The following MBNL1 variants were observed in gnomAD, a reference collection of about 807,000 sequenced individuals.
MBNL1 encodes the protein muscleblind like splicing regulator 1.
MBNL1 carries 8 observed loss-of-function variants against 42.2 expected under a neutral mutation model. That is an observed-to-expected ratio of 0.19 (90% CI 0.11 to 0.34). The LOEUF (loss-of-function observed/expected upper bound fraction) is 0.34. MBNL1 is among the 10% of genes least tolerant of loss of function. MBNL1 has a pLI of 1.00. For synonymous variants in MBNL1, 169 were observed against 173.9 expected (o/e 0.97, Z 0.22); for missense variants, 309 against 495.3 (o/e 0.62, Z 3.57).
intron 4 of MBNL1, among the ~76,000 whole-genome samples, chr3:152,439,179 T>G (rs544682963): frequency 8.5e-5 from 13 of 152,170 alleles, no homozygotes; most frequent in Non-Finnish European, 1.6e-4. Flanking sequence ...CCACTAATTG[T>G]TGTATGTTTC....
At chr3:152,333,322 C>G (rs2086675526) in intron 2 of MBNL1, among the ~76,000 whole-genome samples, 1 of 152,154 alleles carries the variant, frequency 6.6e-6, no homozygotes, top group Admixed American at 6.5e-5. Context: ...ATTTCTTAAG[C>G]TGGTAAATAT....
rs917806604 is a variant in MBNL1 at position 152,320,929 on chromosome 3, T to A, written c.174+20562T>A. Reference sequence around the variant, plus strand: ...TAGAAAAAAAGTTTTGTCTTCCAACTGTGAATACTTTATAGTGTTGCAACT... The same window carrying A: ...TAGAAAAAAAGTTTTGTCTTCCAACAGTGAATACTTTATAGTGTTGCAACT... On this transcript the variant is annotated intron_variant, in intron 2 of 9. Coordinates refer to ENST00000324210, the MANE Select transcript of MBNL1 (RefSeq NM_021038.5). 9.9e-5 allele frequency among the ~76,000 whole-genome samples: 15 copies of A among 152,242 alleles called. No homozygotes were observed. The East Asian group carries it at 2.9e-3, about 29-fold the overall frequency.
At chr3:152,269,635 G>C (rs1413832940) in intron 1 of MBNL1, 1 of 388,256 alleles carries the variant, frequency 2.6e-6, no homozygotes. Flanking sequence ...CTTATATGGA[G>C]AGTGCTGTAT....
intron 2 of MBNL1, among the ~76,000 whole-genome samples, chr3:152,376,035 C>T (rs1283901858): frequency 1.3e-5 from 2 of 152,036 alleles, no homozygotes; most frequent in Non-Finnish European, 2.9e-5. Context: ...TCTTTGTTTC[C>T]TGGATAAATT....
intron 2 of MBNL1, among the ~76,000 whole-genome samples, chr3:152,407,575 A>G (rs1204331103): frequency 6.6e-6 from 1 of 152,194 alleles, no homozygotes; most frequent in East Asian, 1.9e-4. Flanking sequence ...AAACTATGAA[A>G]TAAGTACAAG....
At chr3:152,361,054 A>G (rs540338035) in intron 2 of MBNL1, among the ~76,000 whole-genome samples, 1 of 152,282 alleles carries the variant, frequency 6.6e-6, no homozygotes, top group South Asian at 2.1e-4. Flanking sequence ...TATAATTATG[A>G]CCAGATCAGA....
intron 3 of MBNL1, among the ~76,000 whole-genome samples, chr3:152,419,164 C>A (rs935430715): frequency 1.3e-5 from 2 of 151,700 alleles, no homozygotes; most frequent in Admixed American, 6.6e-5. Flanking sequence ...ATTCCTATAT[C>A]ACTAATAAAA....
chr3:152,272,222 A>G (rs1024522976), intron 1 of MBNL1, among the ~76,000 whole-genome samples: 1 of 152,190 alleles, frequency 6.6e-6, no homozygotes, highest in African/African-American at 2.4e-5. Context: ...TTTATTATAC[A>G]TAGAAATACC....
intron 1 of MBNL1, among the ~76,000 whole-genome samples, chr3:152,280,348 A>G (rs2047701033): frequency 6.6e-6 from 1 of 152,172 alleles, no homozygotes; most frequent in African/African-American, 2.4e-5. Flanking sequence ...TATATTGGAG[A>G]AGAGACAAAA....
chr3:152,434,515 C>T (rs983498804), intron 4 of MBNL1, among the ~76,000 whole-genome samples: 18 of 151,960 alleles, frequency 1.2e-4, no homozygotes, highest in African/African-American at 3.6e-4. Context: ...AGTGAATACA[C>T]GTGTGTGTCT....
At chr3:152,385,646 A>G (rs866212853) in intron 2 of MBNL1, among the ~76,000 whole-genome samples, 9 of 152,214 alleles carry the variant, frequency 5.9e-5, no homozygotes, top group African/African-American at 2.2e-4. Flanking sequence ...TTTATGCATA[A>G]TAAATCAAGA....
chr3:152,376,782 A>G (rs1027983646), intron 2 of MBNL1, among the ~76,000 whole-genome samples: 2 of 131,434 alleles, frequency 1.5e-5, no homozygotes, highest in African/African-American at 5.0e-5. Context: ...CTATATATAT[A>G]CGCACACACA....
chr3:152,366,835 A>G (rs1040416385), intron 2 of MBNL1, among the ~76,000 whole-genome samples: 3 of 152,116 alleles, frequency 2.0e-5, no homozygotes, highest in Non-Finnish European at 2.9e-5. Flanking sequence ...AATAAAGACA[A>G]ATTTTCTTTA....
chr3:152,261,463 T>C (rs1357345267), intron 2 of MBNL1, among the ~76,000 whole-genome samples: 1 of 152,208 alleles, frequency 6.6e-6, no homozygotes, highest in East Asian at 1.9e-4. Flanking sequence ...GTTCTTCCAA[T>C]GAGCAGTTCA....
chr3:152,257,613 T>C (rs1158822603), intron 2 of MBNL1, among the ~76,000 whole-genome samples: 1 of 152,172 alleles, frequency 6.6e-6, no homozygotes, highest in Non-Finnish European at 1.5e-5. Flanking sequence ...TAATCATTAT[T>C]TTCTCCTCTT....
At chr3:152,315,866 A>ACTCTCT (rs113762203) in intron 2 of MBNL1, among the ~76,000 whole-genome samples, 11 of 149,092 alleles carry the variant, frequency 7.4e-5, no homozygotes, top group African/African-American at 2.5e-4. Flanking sequence ...ACACACACAC[A>ACTCTCT]CTCTCTCTCT....
upstream of MBNL1, chr3:152,265,659 A>T (rs2037112730): frequency 6.6e-6 from 1 of 152,202 alleles, no homozygotes; most frequent in East Asian, 1.9e-4. Context: ...TTTTATTGAG[A>T]TTCATTGGTA....
chr3:152,446,113 G>A (rs373648990), intron 5 of MBNL1, among the ~76,000 whole-genome samples: 3 of 152,004 alleles, frequency 2.0e-5, no homozygotes, highest in African/African-American at 7.3e-5. Context: ...TATATAGACA[G>A]GAGAGAGACA....
rs371371656 is a variant in MBNL1, at chr3:152,387,995, C to T, written c.175-26946C>T. On this transcript the variant is annotated intron_variant, in intron 2 of 9. Coordinates refer to ENST00000324210, the MANE Select transcript of MBNL1 (RefSeq NM_021038.5). The stretch of plus-strand genomic sequence containing the variant: ...AAAAGTAAAAATAAAGATTAGATGG[C>T]CTACAGCTCCCTGTAAAATAATCCG... Among the ~76,000 whole-genome samples the T allele has an allele frequency of 6.1e-4, 93 of 152,274 alleles. No homozygotes were observed. The South Asian group carries it at 0.019, about 31-fold the overall frequency.
Sources: gnomAD v4.1 joint callset for allele counts (sites outside exome capture counted in the v4.1 genomes callset) on GRCh38, gnomAD v4.1.1 for gene constraint, MANE v1.5 for transcripts, NCBI Gene and HGNC (gene_info 2026-07-23, HGNC 2026-07-21) for gene names.